CERS6: variants seen among roughly 807,000 people sequenced by gnomAD.
CERS6 encodes the protein LAG1 homolog, ceramide synthase 6.
A neutral mutation model predicts 56.8 loss-of-function variants in CERS6; 26 were observed. That is an observed-to-expected ratio of 0.46 (90% confidence interval 0.34 to 0.63). The LOEUF is 0.63. Ranked by LOEUF, CERS6 falls within the 30% of genes least tolerant of loss-of-function variation. The probability of loss-of-function intolerance (pLI) is 0.01; values close to 1 mark genes in which losing one functional copy is unlikely to be tolerated. For synonymous variants in CERS6, 164 were observed against 173.3 expected (o/e 0.95, Z 0.42); for missense variants, 415 against 467.5 (o/e 0.89, Z 1.04).
intron 1 of CERS6, among the ~76,000 whole-genome samples, chr2:168,511,190 T>C (rs917607934): frequency 6.6e-6 from 1 of 152,236 alleles, no homozygotes; most frequent in Admixed American, 6.5e-5. Flanking sequence ...GTCCATTTTT[T>C]CCTCCATCCT....
intron 1 of CERS6, among the ~76,000 whole-genome samples, chr2:168,503,337 A>T (rs1232320108): frequency 1.3e-5 from 2 of 152,174 alleles, no homozygotes; most frequent in African/African-American, 4.8e-5. Context: ...CTGTGAAAGC[A>T]GTAGAGTCAT....
rs1684911335 is a variant in CERS6, at chr2:168,773,227, C to T, written c.*3565C>T. ...AATGTTAATGCCAAAGTTGCCTGAA[C>T]ATTGGGCGGTTTTCTTAATTTGAAG... is the stretch of plus-strand genomic sequence containing the variant. On this transcript the variant is annotated 3_prime_UTR_variant, in exon 10 of 10. Coordinates refer to ENST00000305747, the MANE Select transcript of CERS6 (RefSeq NM_203463.3). 6.6e-6 allele frequency: 1 copy of T among 152,170 alleles called. No individual in the cohort carries two copies. Among genetic ancestry groups the T allele is most frequent in the Non-Finnish European group, 1.5e-5 (1 of 68,032 alleles). The allele number at this position is 152,170 out of a possible 1,614,324, so 9.4% of individuals were successfully genotyped here.
chr2:168,719,869 C>G (rs1687316643), intron 8 of CERS6, among the ~76,000 whole-genome samples: 1 of 148,680 alleles, frequency 6.7e-6, no homozygotes, highest in South Asian at 2.2e-4. Flanking sequence ...ACTAAAGGTT[C>G]TTTTTTTTTT....
chr2:168,760,738 G>GTTTGTTTGTTTATTTA (rs376070301), intron 8 of CERS6, among the ~76,000 whole-genome samples: 4 of 129,224 alleles, frequency 3.1e-5, no homozygotes, highest in African/African-American at 1.0e-4. Flanking sequence ...TTTACTGTTT[G>GTTTGTTTGTTTATTTA]TTTATTTATT....
At chr2:168,645,115 A>AT (rs1685150370) in intron 4 of CERS6, among the ~76,000 whole-genome samples, 1 of 41,844 alleles carries the variant, frequency 2.4e-5, no homozygotes, top group African/African-American at 8.5e-5. Flanking sequence ...AAAAAAAAAA[A>AT]AATATATATA....
intron 4 of CERS6, among the ~76,000 whole-genome samples, chr2:168,657,579 G>GC (rs1685515821): frequency 6.6e-6 from 1 of 152,370 alleles, no homozygotes; most frequent in East Asian, 1.9e-4. Context: ...CCCGAGCCCT[G>GC]CCCCGTGGGA....
At chr2:168,746,181 C>T (rs549699583) in intron 8 of CERS6, among the ~76,000 whole-genome samples, 57 of 152,270 alleles carry the variant, frequency 3.7e-4, no homozygotes, top group African/African-American at 1.3e-3. Context: ...TGCATGGGCC[C>T]ATGGAGGCCC....
At chr2:168,644,787 C>G (rs1489118091) in intron 4 of CERS6, among the ~76,000 whole-genome samples, 1 of 151,900 alleles carries the variant, frequency 6.6e-6, no homozygotes, top group Non-Finnish European at 1.5e-5. Flanking sequence ...GCAACATGTT[C>G]TCAACGTATT....
chr2:168,739,394 C>T lies in CERS6; in HGVS notation c.845+21416C>T, dbSNP rs573602953. On this transcript the variant is annotated intron_variant, in intron 8 of 9. Transcript: ENST00000305747. ...GGATACAATGCAGAACAAAATCTTA[C>T]TCCGGGAATAGAGTCTAAGGTTGGT... is the stretch of plus-strand genomic sequence containing the variant. 3.9e-5 allele frequency among the ~76,000 whole-genome samples: 6 copies of T among 152,198 alleles called. No individual in the cohort carries two copies. The South Asian group carries it at 8.3e-4, about 21-fold the overall frequency.
At chr2:168,513,408 T>A (rs1259918788) in intron 1 of CERS6, among the ~76,000 whole-genome samples, 3 of 152,230 alleles carry the variant, frequency 2.0e-5, no homozygotes, top group African/African-American at 7.2e-5. Context: ...TTTAGTCACA[T>A]CATCTTAGGC....
intron 3 of CERS6, among the ~76,000 whole-genome samples, chr2:168,571,924 A>G (rs565183758): frequency 2.0e-5 from 3 of 152,294 alleles, no homozygotes; most frequent in South Asian, 4.1e-4. Context: ...TATTTCTTAT[A>G]TTGCCTATTT....
At chr2:168,491,680 G>T (rs1182886657) in intron 1 of CERS6, among the ~76,000 whole-genome samples, 1 of 151,938 alleles carries the variant, frequency 6.6e-6, no homozygotes, top group Non-Finnish European at 1.5e-5. Context: ...TGTGCAGAAC[G>T]TGTAGGTTTG....
intron 4 of CERS6, among the ~76,000 whole-genome samples, chr2:168,631,548 AT>A (rs1211078332): frequency 1.7e-5 from 2 of 118,978 alleles, no homozygotes; most frequent in African/African-American, 6.6e-5. Context: ...AATATATTAT[AT>A]TTTTAATATT....
chr2:168,514,571 T>C (rs1041580986), intron 1 of CERS6, among the ~76,000 whole-genome samples: 8 of 152,148 alleles, frequency 5.3e-5, no homozygotes, highest in African/African-American at 1.9e-4. Context: ...TTGGGGAAGG[T>C]TTACTTATTA....
At chr2:168,465,633 A>G (rs1344690352) in intron 1 of CERS6, among the ~76,000 whole-genome samples, 1 of 152,226 alleles carries the variant, frequency 6.6e-6, no homozygotes, top group Non-Finnish European at 1.5e-5. Flanking sequence ...GACAGTCACA[A>G]AAAGACAAAT....
At chr2:168,565,609 G>A (rs1695870916) in intron 3 of CERS6, among the ~76,000 whole-genome samples, 1 of 152,216 alleles carries the variant, frequency 6.6e-6, no homozygotes, top group East Asian at 1.9e-4. Context: ...AATAGCACCA[G>A]TATGCAAGCC....
intron 1 of CERS6, among the ~76,000 whole-genome samples, chr2:168,476,703 T>C (rs1050560179): frequency 1.3e-5 from 2 of 152,074 alleles, no homozygotes; most frequent in Admixed American, 6.6e-5. Context: ...CCTGGGGTCC[T>C]GATGTCCAGA....
In CERS6 at chr2:168,707,294, T is replaced by C. The variant is rs555006512; in HGVS notation, c.610-7707T>C. On this transcript the variant is annotated intron_variant, in intron 6 of 9. Transcript: ENST00000305747. ...AGTCCAAAGGGAGAGAAATCTATAA[T>C]CTATTGGGAAAAAAGTGTTGAAGTA... Among the ~76,000 whole-genome samples, 379 of 152,260 alleles carry C rather than the reference T, an allele frequency of 2.5e-3. 1 individual carries two copies. The highest frequency in any genetic ancestry group is 8.5e-3 in the African/African-American group (355 of 41,562).
At chr2:168,683,796 C>A (rs1185303257) in intron 4 of CERS6, among the ~76,000 whole-genome samples, 1 of 152,142 alleles carries the variant, frequency 6.6e-6, no homozygotes, top group Non-Finnish European at 1.5e-5. Flanking sequence ...GCCATATCCC[C>A]AGACTCTTGA....
Sources: allele counts gnomAD v4.1 joint callset (sites outside exome capture counted in the v4.1 genomes callset), GRCh38; gene constraint gnomAD v4.1.1; transcripts MANE v1.5; gene names NCBI Gene and HGNC (gene_info 2026-07-23, HGNC 2026-07-21).